The following TP63 variants were observed in gnomAD, a reference collection of about 807,000 sequenced individuals.
The protein encoded by TP63 is tumor protein 63.
A neutral mutation model predicts 82.8 loss-of-function variants in TP63; 17 were observed. The ratio of observed to expected loss-of-function variants is 0.21; its 90% CI spans 0.14 to 0.31. TP63 has a LOEUF of 0.31. TP63 is among the 10% of genes least tolerant of loss of function. The pLI, the probability that TP63 is intolerant of heterozygous loss-of-function variation, is 1.00. For synonymous variants in TP63, 330 were observed against 321.7 expected (o/e 1.03, Z -0.28); for missense variants, 648 against 895.3 (o/e 0.72, Z 3.52).
chr3:189,887,385 C>T (rs1720562483), intron 11 of TP63, among the ~76,000 whole-genome samples: 1 of 152,060 alleles, frequency 6.6e-6, no homozygotes, highest in Admixed American at 6.5e-5. Context: ...TTAAACTCAC[C>T]TATTCTATCC....
chr3:189,603,611 T>G, the TP63 span, among the ~76,000 whole-genome samples: 1 of 147,908 alleles, frequency 6.8e-6, no homozygotes, highest in Non-Finnish European at 1.5e-5. Flanking sequence ...GCAGTCACTT[T>G]TTGGAGTTTT....
intron 10 of TP63, among the ~76,000 whole-genome samples, chr3:189,882,484 G>C (rs1400722325): frequency 7.5e-6 from 1 of 132,942 alleles, no homozygotes; most frequent in African/African-American, 2.7e-5. Context: ...TTTTTTTCCT[G>C]ACCTTTCTCA....
At chr3:189,844,586 CTTTTTAAA>C (rs1714615840) in intron 4 of TP63, among the ~76,000 whole-genome samples, 1 of 152,142 alleles carries the variant, frequency 6.6e-6, no homozygotes, top group Admixed American at 6.5e-5. Context: ...CCGGCCAACA[CTTTTTAAA>C]CATTACATTT....
rs1378029360 is a variant in TP63, at chr3:189,858,238, TACTAAAAATACAAAAAATTAGCCGGGC to T, written c.580-5993_580-5967del. On this transcript the variant is annotated intron_variant, in intron 4 of 13. Coordinates refer to ENST00000264731, the MANE Select transcript of TP63 (RefSeq NM_003722.5). ...GGCTAACACGGTGAAACCCCGTCTC[TACTAAAAATACAAAAAATTAGCCGGGC>T]GAGGTGGCGGGCGCCTGTAGTCCCA... 1.2e-3 allele frequency among the ~76,000 whole-genome samples: 73 copies of T among 59,002 alleles called. 22 individuals carry two copies. The highest frequency in any genetic ancestry group is 2.4e-3 in the African/African-American group (26 of 11,062). The allele number at this position is 59,002 out of a possible 152,430, so 38.7% of individuals were successfully genotyped here. A position where few individuals can be genotyped will look rare whatever the true frequency, so the allele number is the denominator to read the frequency against.
chr3:189,893,892 G>A (rs1467479618), intron 13 of TP63, among the ~76,000 whole-genome samples: 1 of 151,954 alleles, frequency 6.6e-6, no homozygotes, highest in Non-Finnish European at 1.5e-5. Context: ...AGCATAAGTA[G>A]GTACCTCATG....
chr3:189,886,134 C>T (rs1288573524), intron 10 of TP63, among the ~76,000 whole-genome samples: 2 of 152,162 alleles, frequency 1.3e-5, no homozygotes, highest in African/African-American at 4.8e-5. Context: ...AGAATTTTCT[C>T]TTTCTCAAAG....
chr3:189,789,927 C>T (rs1358137022), intron 3 of TP63: 10 of 1,326,602 alleles, frequency 7.5e-6, no homozygotes, highest in Middle Eastern at 1.9e-4. Flanking sequence ...TTGCGGTTCT[C>T]GGTCACCCAA....
intron 3 of TP63, among the ~76,000 whole-genome samples, chr3:189,793,197 A>G (rs1560188986): frequency 2.0e-5 from 3 of 152,036 alleles, no homozygotes; most frequent in Non-Finnish European, 2.9e-5. Context: ...CAGATCACAG[A>G]TCATACCTTC....
At chr3:189,850,391 A>G (rs964831268) in intron 4 of TP63, among the ~76,000 whole-genome samples, 5 of 152,332 alleles carry the variant, frequency 3.3e-5, no homozygotes, top group South Asian at 2.1e-4. Flanking sequence ...ACATTTTTCC[A>G]TATTGCTTCA....
chr3:189,833,227 G>T (rs945563337), intron 4 of TP63, among the ~76,000 whole-genome samples: 2 of 152,140 alleles, frequency 1.3e-5, no homozygotes, highest in African/African-American at 4.8e-5. Flanking sequence ...CACAGTGAGG[G>T]GAAGAAACAG....
chr3:189,734,171 C>CT (rs57302272), intron 1 of TP63, among the ~76,000 whole-genome samples: 3,160 of 84,576 alleles, frequency 0.037, 128 homozygotes, highest in African/African-American at 0.092. Context: ...TCCCTCCCTT[C>CT]TTTTTTTTTT....
chr3:189,744,479 C>T (rs1721223740), intron 3 of TP63, among the ~76,000 whole-genome samples: 1 of 152,148 alleles, frequency 6.6e-6, no homozygotes, highest in African/African-American at 2.4e-5. Flanking sequence ...CCAGGAACAC[C>T]ATCCAGGGGC....
chr3:189,837,762 C>T (rs1713363598), intron 4 of TP63, among the ~76,000 whole-genome samples: 1 of 152,102 alleles, frequency 6.6e-6, no homozygotes, highest in South Asian at 2.1e-4. Flanking sequence ...TCAGTCCTCC[C>T]ACTTCAGCTT....
intron 4 of TP63, chr3:189,829,897 T>C (rs530313563): frequency 1.0e-5 from 4 of 393,800 alleles, no homozygotes; most frequent in South Asian, 5.6e-5. Context: ...GATAAACAAT[T>C]TTTCTGCAGT....
intron 3 of TP63, among the ~76,000 whole-genome samples, chr3:189,803,437 A>G (rs946639065): frequency 6.6e-6 from 1 of 152,258 alleles, no homozygotes; most frequent in Non-Finnish European, 1.5e-5. Context: ...ATACTTTTAT[A>G]GGAAAATAAT....
At chr3:189,599,730 C>T in the TP63 span, among the ~76,000 whole-genome samples, 1 of 152,012 alleles carries the variant, frequency 6.6e-6, no homozygotes, top group African/African-American at 2.4e-5. Context: ...AGAGAGTTTC[C>T]TATCTCTAGG....
intron 3 of TP63, among the ~76,000 whole-genome samples, chr3:189,794,386 G>A (rs924681707): frequency 1.3e-5 from 2 of 152,020 alleles, no homozygotes; most frequent in Admixed American, 6.6e-5. Context: ...GCATCAAAGG[G>A]AAAGAGAGTC....
At chr3:189,879,637 C>T (rs888768837) in intron 10 of TP63, among the ~76,000 whole-genome samples, 5 of 151,950 alleles carry the variant, frequency 3.3e-5, no homozygotes, top group Non-Finnish European at 7.4e-5. Flanking sequence ...CTTCTTCATT[C>T]CTTTTTTTTA....
chr3:189,865,386 C>G (rs1396555381), intron 5 of TP63, among the ~76,000 whole-genome samples: 1 of 152,082 alleles, frequency 6.6e-6, no homozygotes, highest in Non-Finnish European at 1.5e-5. Flanking sequence ...GATCCTACAA[C>G]AATTTAGCAG....
Sources: allele counts gnomAD v4.1 joint callset (sites outside exome capture counted in the v4.1 genomes callset), GRCh38; gene constraint gnomAD v4.1.1; transcripts MANE v1.5; gene names NCBI Gene and HGNC (gene_info 2026-07-23, HGNC 2026-07-21).